SCHIP1: variants seen among roughly 807,000 people sequenced by gnomAD.
SCHIP1 encodes schwannomin interacting protein 1.
A neutral mutation model predicts 29.7 loss-of-function variants in SCHIP1; 8 were observed. That is an observed-to-expected ratio of 0.27 (90% CI 0.16 to 0.49). SCHIP1 has a LOEUF of 0.49. SCHIP1 is among the 20% of genes least tolerant of loss of function. The pLI is 0.99. For missense variants in SCHIP1, 193 were observed against 294.6 expected (o/e 0.66, Z 2.52); for synonymous variants, 76 against 94.9 (o/e 0.80, Z 1.16).
chr3:159,792,646 G>A, the SCHIP1 span, among the ~76,000 whole-genome samples: 1 of 152,204 alleles, frequency 6.6e-6, no homozygotes, highest in East Asian at 1.9e-4. Flanking sequence ...AGAAGGAAAT[G>A]GCTACAGTTC....
exon 1 of SCHIP1, chr3:159,839,924 C>G (rs2109013099): frequency 7.1e-7 from 1 of 1,404,714 alleles, no homozygotes; most frequent in South Asian, 1.6e-5. Flanking sequence ...CTCCCCCAGC[C>G]CGGTCCCAGC....
chr3:159,296,117 G>A, the SCHIP1 span, among the ~76,000 whole-genome samples: 5 of 150,684 alleles, frequency 3.3e-5, no homozygotes, highest in African/African-American at 1.2e-4. Flanking sequence ...GAAATTTGAG[G>A]AGTCAGGGAT....
the SCHIP1 span, among the ~76,000 whole-genome samples, chr3:159,772,001 G>T: frequency 6.6e-6 from 1 of 152,092 alleles, no homozygotes; most frequent in Admixed American, 6.5e-5. Flanking sequence ...CTCACCACTG[G>T]CATCACCTCA....
At chr3:159,393,038 T>G in the SCHIP1 span, among the ~76,000 whole-genome samples, 1 of 152,356 alleles carries the variant, frequency 6.6e-6, no homozygotes, top group South Asian at 2.1e-4. Context: ...CATTGTGGTT[T>G]TGGTTTGCAT....
the SCHIP1 span, among the ~76,000 whole-genome samples, chr3:159,432,933 T>TGTAA: frequency 1.3e-5 from 2 of 152,190 alleles, no homozygotes; most frequent in Non-Finnish European, 2.9e-5. Flanking sequence ...ACAGAGTTTC[T>TGTAA]GTAAGTTCTG....
At chr3:159,423,705 G>C in the SCHIP1 span, among the ~76,000 whole-genome samples, 375 of 152,266 alleles carry the variant, frequency 2.5e-3, 3 homozygotes, top group African/African-American at 8.6e-3. Context: ...GAACAGAGCA[G>C]TGGTTCTCCC....
the SCHIP1 span, among the ~76,000 whole-genome samples, chr3:159,664,959 A>G: frequency 6.6e-6 from 1 of 152,220 alleles, no homozygotes; most frequent in Non-Finnish European, 1.5e-5. Flanking sequence ...TGCTTTATAC[A>G]AGCCCTCTGA....
the SCHIP1 span, among the ~76,000 whole-genome samples, chr3:159,750,296 T>TATATACACAC: frequency 4.5e-5 from 6 of 132,784 alleles, no homozygotes; most frequent in African/African-American, 1.6e-4. Flanking sequence ...TATATATATA[T>TATATACACAC]ACACACACAC....
the SCHIP1 span, among the ~76,000 whole-genome samples, chr3:159,344,737 G>GA: frequency 6.6e-6 from 1 of 152,168 alleles, no homozygotes; most frequent in Non-Finnish European, 1.5e-5. Flanking sequence ...TTCTGGAATA[G>GA]AAAAAGTTCA....
At chr3:159,342,597 T>C in the SCHIP1 span, among the ~76,000 whole-genome samples, 5 of 152,208 alleles carry the variant, frequency 3.3e-5, no homozygotes, top group African/African-American at 7.2e-5. Context: ...ATTTTAAAGG[T>C]TATAGAACCG....
At chr3:159,747,465 G>A in the SCHIP1 span, among the ~76,000 whole-genome samples, 1 of 152,116 alleles carries the variant, frequency 6.6e-6, no homozygotes, top group Non-Finnish European at 1.5e-5. Context: ...TTATATTTGG[G>A]CGAAAACTTA....
chr3:159,763,836 C>T, the SCHIP1 span: 1 of 152,194 alleles, frequency 6.6e-6, no homozygotes, highest in Non-Finnish European at 1.5e-5. Context: ...AGGGGCCGGC[C>T]AGGGAGACGC....
chr3:159,319,152 C>T, the SCHIP1 span, among the ~76,000 whole-genome samples: 501 of 152,236 alleles, frequency 3.3e-3, 14 homozygotes, highest in East Asian at 0.074. Flanking sequence ...ATGTATAGTG[C>T]CCAGTGGTCA....
the SCHIP1 span, among the ~76,000 whole-genome samples, chr3:159,495,982 T>C: frequency 2.0e-5 from 3 of 152,184 alleles, no homozygotes; most frequent in Non-Finnish European, 2.9e-5. Context: ...TTGACAAACC[T>C]GAGAAACACA....
the SCHIP1 span, among the ~76,000 whole-genome samples, chr3:159,424,899 AG>A: frequency 4.6e-5 from 7 of 151,586 alleles, no homozygotes; most frequent in African/African-American, 1.7e-4. Context: ...ACATTTTTAA[AG>A]AAAAGGATTT....
At chr3:159,340,749 G>A in the SCHIP1 span, among the ~76,000 whole-genome samples, 1 of 152,096 alleles carries the variant, frequency 6.6e-6, no homozygotes, top group Non-Finnish European at 1.5e-5. Flanking sequence ...CTTGGCATGA[G>A]TCACATTTTT....
the SCHIP1 span, among the ~76,000 whole-genome samples, chr3:159,282,459 T>C: frequency 2.8e-5 from 4 of 140,616 alleles, no homozygotes; most frequent in South Asian, 8.9e-4. Flanking sequence ...ATTGCATATT[T>C]CAATCTTTAG....
the SCHIP1 span, among the ~76,000 whole-genome samples, chr3:159,532,125 C>T: frequency 1.3e-5 from 2 of 152,032 alleles, no homozygotes; most frequent in African/African-American, 4.8e-5. Flanking sequence ...ATATGATTGT[C>T]TTGCTGTGGA....
At chr3:159,403,478 A>C in the SCHIP1 span, among the ~76,000 whole-genome samples, 64 of 152,216 alleles carry the variant, frequency 4.2e-4, no homozygotes, top group Non-Finnish European at 7.5e-4. Flanking sequence ...GAATTTGTGC[A>C]ATAGGGGAAG....
Sources: gnomAD v4.1 joint callset for allele counts (sites outside exome capture counted in the v4.1 genomes callset) on GRCh38, gnomAD v4.1.1 for gene constraint, MANE v1.5 for transcripts, NCBI Gene and HGNC (gene_info 2026-07-23, HGNC 2026-07-21) for gene names.